SLC8A1: variants seen among roughly 807,000 people sequenced by gnomAD.
The protein encoded by SLC8A1 is solute carrier family 8 member A1.
In SLC8A1, 18 loss-of-function variants were observed where a neutral mutation model predicts 68.3. That is an observed-to-expected ratio of 0.26 (90% CI 0.18 to 0.39). The LOEUF is 0.39. Among genes scored for constraint, SLC8A1 ranks in the 10% least tolerant of loss-of-function variants. The probability of loss-of-function intolerance (pLI) is 1.00; values close to 1 mark genes in which losing one functional copy is unlikely to be tolerated. For missense variants in SLC8A1, 985 were observed against 1,156.7 expected (o/e 0.85, Z 2.15); for synonymous variants, 475 against 415.5 (o/e 1.14, Z -1.74).
At chr2:40,187,822 T>C (rs1453937675) in intron 2 of SLC8A1, among the ~76,000 whole-genome samples, 1 of 152,220 alleles carries the variant, frequency 6.6e-6, no homozygotes, top group Non-Finnish European at 1.5e-5. Flanking sequence ...TATGCTATTA[T>C]GGTAGGTTTC....
At chr2:40,371,492 G>C (rs1175372278) in intron 2 of SLC8A1, among the ~76,000 whole-genome samples, 1 of 152,026 alleles carries the variant, frequency 6.6e-6, no homozygotes, top group East Asian at 1.9e-4. Flanking sequence ...CCAAGGCTCA[G>C]GGACCTCACT....
chr2:40,196,339 A>G (rs2053012658), intron 2 of SLC8A1, among the ~76,000 whole-genome samples: 1 of 152,006 alleles, frequency 6.6e-6, no homozygotes, highest in Non-Finnish European at 1.5e-5. Flanking sequence ...TCAAGCATGC[A>G]TTAAAACTTA....
chr2:40,356,170 A>G (rs1672604531), intron 2 of SLC8A1, among the ~76,000 whole-genome samples: 1 of 152,128 alleles, frequency 6.6e-6, no homozygotes. Context: ...AGTTCCTTCC[A>G]CAGATATCAA....
intron 2 of SLC8A1, among the ~76,000 whole-genome samples, chr2:40,265,089 C>T (rs1403338204): frequency 1.3e-5 from 2 of 152,188 alleles, no homozygotes; most frequent in Non-Finnish European, 2.9e-5. Flanking sequence ...AAGTCATCTT[C>T]TCTTCACTGT....
chr2:40,380,579 C>G lies in SLC8A1; in HGVS notation c.1808+47894G>C, dbSNP rs943247117. On this transcript the variant is annotated intron_variant, in intron 2 of 7. Coordinates refer to ENST00000406785, the Ensembl canonical transcript of SLC8A1. ...TGAAATCATTACTAATTATTCGGCACAAGTGGGTTCCACCAGCTGCACTTG... is the reference window on the plus strand; with the variant it reads ...TGAAATCATTACTAATTATTCGGCAGAAGTGGGTTCCACCAGCTGCACTTG... Among the ~76,000 whole-genome samples the G allele has an allele frequency of 3.9e-5, 6 of 152,074 alleles. No individual in the cohort carries two copies. In the East Asian group the frequency reaches 1.2e-3, roughly 29 times the overall value.
intron 1 of SLC8A1, among the ~76,000 whole-genome samples, chr2:40,436,629 A>G (rs1055405800): frequency 6.6e-6 from 1 of 152,126 alleles, no homozygotes; most frequent in Non-Finnish European, 1.5e-5. Flanking sequence ...AAGGAAGTAC[A>G]TCTTCCCATC....
rs188455677 is a variant in SLC8A1, at chr2:40,280,159, T to C, written c.1809-102304A>G. 1.1e-3 allele frequency among the ~76,000 whole-genome samples: 165 copies of C among 150,270 alleles called. 2 individuals are homozygous for C. The highest frequency in any genetic ancestry group is 1.2e-4 in the Non-Finnish European group (8 of 67,864). On this transcript the variant is annotated intron_variant, in intron 2 of 7. Coordinates refer to ENST00000406785, the Ensembl canonical transcript of SLC8A1. Reference sequence around the variant, plus strand: ...GGATTGCAAAAACAGACATGAATATTGATAGTGTAAACCTGACTAAAATAT... The same window carrying C: ...GGATTGCAAAAACAGACATGAATATCGATAGTGTAAACCTGACTAAAATAT...
intron 6 of SLC8A1, among the ~76,000 whole-genome samples, chr2:40,148,053 G>A (rs2042771637): frequency 2.6e-5 from 4 of 152,150 alleles, no homozygotes; most frequent in Admixed American, 2.6e-4. Context: ...AATCTCTGTG[G>A]TTTGTACAGC....
intron 2 of SLC8A1, among the ~76,000 whole-genome samples, chr2:40,410,792 A>G (rs1486189297): frequency 2.0e-5 from 3 of 152,074 alleles, no homozygotes; most frequent in African/African-American, 4.8e-5. Context: ...TTTCTTATTA[A>G]AAAAGCATTT....
intron 2 of SLC8A1, among the ~76,000 whole-genome samples, chr2:40,388,139 C>T (rs764968202): frequency 4.6e-5 from 7 of 152,048 alleles, no homozygotes; most frequent in Non-Finnish European, 1.0e-4. Context: ...GTTTATGCCA[C>T]TGATGAGTAG....
chr2:40,137,367 A>T (rs2040704778), intron 7 of SLC8A1, among the ~76,000 whole-genome samples: 2 of 152,194 alleles, frequency 1.3e-5, no homozygotes, highest in African/African-American at 2.4e-5. Context: ...TGGTTGGATA[A>T]ACTGCTGATT....
intron 2 of SLC8A1, among the ~76,000 whole-genome samples, chr2:40,189,602 C>T (rs1253070680): frequency 6.6e-6 from 1 of 152,218 alleles, no homozygotes; most frequent in African/African-American, 2.4e-5. Context: ...GCATGAGCCC[C>T]TGTGCCTGGC....
rs1244219760 is a variant in SLC8A1 at position 40,315,106 on chromosome 2, TATG to T, written c.1808+113364_1808+113366del. Among the ~76,000 whole-genome samples, 4 of 152,138 alleles carry T rather than the reference TATG, an allele frequency of 2.6e-5. No homozygotes were observed. In the East Asian group the frequency reaches 7.7e-4, roughly 29 times the overall value. ...AAGCATTCAGTCTTTCATTGTTAAG[TATG>T]ATGTTAATTTTAGTTTTTTCATGTA... On this transcript the variant is annotated intron_variant, in intron 2 of 7. Coordinates refer to ENST00000406785, the Ensembl canonical transcript of SLC8A1.
intron 2 of SLC8A1, among the ~76,000 whole-genome samples, chr2:40,276,230 A>G (rs2066678800): frequency 6.6e-6 from 1 of 152,180 alleles, no homozygotes; most frequent in South Asian, 2.1e-4. Context: ...GGGCAAGAAG[A>G]CAAGACAGAG....
chr2:40,374,288 G>C (rs916597334), intron 2 of SLC8A1, among the ~76,000 whole-genome samples: 4 of 152,012 alleles, frequency 2.6e-5, no homozygotes, highest in Non-Finnish European at 5.9e-5. Context: ...AAGGCAGGTG[G>C]GTTCCTTGAG....
At chr2:40,256,593 T>A (rs1179913770) in intron 2 of SLC8A1, among the ~76,000 whole-genome samples, 1 of 152,220 alleles carries the variant, frequency 6.6e-6, no homozygotes, top group Non-Finnish European at 1.5e-5. Flanking sequence ...TTGGACACAT[T>A]ATTGCTCCAT....
intron 2 of SLC8A1, among the ~76,000 whole-genome samples, chr2:40,404,818 C>T (rs1045399015): frequency 2.0e-5 from 3 of 152,150 alleles, no homozygotes; most frequent in African/African-American, 7.2e-5. Context: ...CATTGCTGTT[C>T]AAATGAATGC....
chr2:40,209,798 A>T (rs1353916549), intron 2 of SLC8A1, among the ~76,000 whole-genome samples: 1 of 152,166 alleles, frequency 6.6e-6, no homozygotes, highest in Non-Finnish European at 1.5e-5. Context: ...AAGCAAGATC[A>T]TCAGCTGACA....
chr2:40,395,434 T>G (rs895576136), intron 2 of SLC8A1, among the ~76,000 whole-genome samples: 2 of 152,134 alleles, frequency 1.3e-5, no homozygotes, highest in African/African-American at 4.8e-5. Flanking sequence ...TTTTTATCAC[T>G]GGCACTCTTA....
Sources: gnomAD v4.1 joint callset for allele counts (sites outside exome capture counted in the v4.1 genomes callset) on GRCh38, gnomAD v4.1.1 for gene constraint, MANE v1.5 for transcripts, NCBI Gene and HGNC (gene_info 2026-07-23, HGNC 2026-07-21) for gene names.